The following NOLC1 variants were observed in gnomAD, a reference collection of about 807,000 sequenced individuals.
The protein encoded by NOLC1 is nucleolar and coiled-body phosphoprotein 1, also known as 140 kDa nucleolar phosphoprotein.
NOLC1 carries 37 observed loss-of-function variants against 73.4 expected under a neutral mutation model. The observed-to-expected ratio is 0.50, with a 90% confidence interval of 0.39 to 0.66. The LOEUF is 0.66. Among genes scored for constraint, NOLC1 ranks in the 30% least tolerant of loss-of-function variants. The probability of loss-of-function intolerance (pLI) is 0.00; values close to 1 mark genes in which losing one functional copy is unlikely to be tolerated. For missense variants in NOLC1, 921 were observed against 838.9 expected (o/e 1.10, Z -1.21); for synonymous variants, 327 against 302.6 (o/e 1.08, Z -0.84).
chr10:102,153,306 T>C (rs1161277006), intron 1 of NOLC1, among the ~76,000 whole-genome samples: 2 of 152,256 alleles, frequency 1.3e-5, no homozygotes, highest in Non-Finnish European at 2.9e-5. Context: ...AAGTGAAAGC[T>C]GTACCATAGT....
chr10:102,159,312 T>C lies in NOLC1; in HGVS notation c.723+4T>C. ...GGCAGCAGCCACCCCCAAGAAGGTC[T>C]GGACCATAACTTCTGTCAGGGCAGA... is the stretch of plus-strand genomic sequence containing the variant. On this transcript the variant is annotated splice_donor_region_variant and intron_variant, in intron 6 of 12. Transcript: ENST00000605788. The C allele has an allele frequency of 6.2e-7, 1 of 1,614,090 alleles. No homozygotes were observed. The highest frequency in any genetic ancestry group is 1.1e-5 in the South Asian group (1 of 91,086).
intron 4 of NOLC1, 46 bp downstream of exon 4, chr10:102,157,601 A>C: frequency 6.3e-7 from 1 of 1,590,230 alleles, no homozygotes; most frequent in Non-Finnish European, 8.6e-7. Flanking sequence ...TTAGAAAGGA[A>C]GAAACCTAAA....
chr10:102,161,129 C>A lies in NOLC1; in HGVS notation c.1741+36C>A, dbSNP rs201249259. On this transcript the variant is annotated intron_variant, in intron 10 of 12. Transcript: ENST00000605788. ...AATGAACATGCCCTCTGGGTTTTGT[C>A]CCCCCAAATCAGGATGGGATATACT... The A allele has an allele frequency of 7.3e-5, 113 of 1,553,508 alleles. 1 individual carries two copies. In the East Asian group the frequency reaches 1.3e-3, roughly 19 times the overall value.
At chr10:102,156,418 A>C (rs545250040) in intron 1 of NOLC1, among the ~76,000 whole-genome samples, 1 of 150,282 alleles carries the variant, frequency 6.7e-6, no homozygotes, top group Admixed American at 6.6e-5. Context: ...CACTGTGCCC[A>C]GTCAAAAGTG....
intron 1 of NOLC1, among the ~76,000 whole-genome samples, chr10:102,156,708 C>T (rs1267985806): frequency 6.6e-6 from 1 of 152,126 alleles, no homozygotes; most frequent in Non-Finnish European, 1.5e-5. Flanking sequence ...GCTGGGATTA[C>T]AAGCATGAGC....
rs760564890 is a variant in NOLC1, at chr10:102,157,474, A to G, written c.360A>G (p.Ala120=). The G allele has an allele frequency of 6.2e-7, 1 of 1,614,120 alleles. No homozygotes were observed. The highest frequency in any genetic ancestry group is 1.3e-5 in the African/African-American group (1 of 74,946). Residue 120 remains alanine, a synonymous_variant, in exon 4 of 13, where the codon GCA becomes GCG. Coordinates refer to ENST00000605788, the MANE Select transcript of NOLC1 (RefSeq NM_004741.5). ...KRVGLPPGKA[A]AKASESSSSE... is the part of the protein sequence containing the mutation. ...TCGGTCTGCCTCCTGGGAAGGCTGC[A>G]GCCAAAGCATCAGAGAGTAGCAGCA... is the stretch of plus-strand genomic sequence containing the variant.
chr10:102,153,385 C>T (rs1036787900), intron 1 of NOLC1, among the ~76,000 whole-genome samples: 10 of 152,178 alleles, frequency 6.6e-5, no homozygotes, highest in African/African-American at 2.4e-4. Context: ...GGTTTGTAAT[C>T]TACATCAACG....
Position 102,162,115 on chromosome 10 carries a change from G to A in NOLC1, c.1946G>A (p.Gly649Asp). Residue 649 changes from glycine to aspartate, a missense_variant, in exon 13 of 13, where the codon GGT becomes GAT. Coordinates refer to ENST00000605788, the MANE Select transcript of NOLC1 (RefSeq NM_004741.5). ...VADNSFDAKR[G>D]AAGDWGERAN... The stretch of plus-strand genomic sequence containing the variant: ...ATCTCCCTCTCTACTTACCAGCGAG[G>A]TGCAGCCGGAGACTGGGGAGAGCGA... The A allele has an allele frequency of 6.2e-7, 1 of 1,613,772 alleles. No homozygotes were observed. Among genetic ancestry groups the A allele is most frequent in the Non-Finnish European group, 8.5e-7 (1 of 1,179,992 alleles).
At chr10:102,154,686 G>A (rs2069560978) in intron 1 of NOLC1, among the ~76,000 whole-genome samples, 1 of 151,928 alleles carries the variant, frequency 6.6e-6, no homozygotes, top group Non-Finnish European at 1.5e-5. Flanking sequence ...CCGCCTCCAC[G>A]CCCAGCTTAT....
intron 1 of NOLC1, 32 bp downstream of exon 1, chr10:102,152,562 TGA>T (rs2133748504): frequency 6.2e-7 from 1 of 1,612,344 alleles, no homozygotes; most frequent in South Asian, 1.1e-5. Flanking sequence ...GGGACCGGGC[TGA>T]GATGACCACA....
At position 102,160,942 on chromosome 10, in the gene NOLC1, A is replaced by C; in HGVS notation, c.1590A>C (p.Glu530Asp). The change falls in exon 10 of 13, where the codon GAA becomes GAC. Residue 530 changes from glutamate (E) to aspartate (D), a missense_variant. Transcript: ENST00000605788. ...CTGATGACTCCAGTGAGGAAGAGGAAGAGAAGCTCAAGGGCAAGGGCTCTC... is the reference window on the plus strand; with the variant it reads ...CTGATGACTCCAGTGAGGAAGAGGACGAGAAGCTCAAGGGCAAGGGCTCTC... Reference protein sequence around the residue: ...SSSDDSSEEEEEKLKGKGSPR... With the variant: ...SSSDDSSEEEDEKLKGKGSPR... 1.2e-6 allele frequency: 2 copies of C among 1,614,224 alleles called. No homozygotes were observed. Among genetic ancestry groups the C allele is most frequent in the Non-Finnish European group, 8.5e-7 (1 of 1,180,048 alleles).
chr10:102,159,697 G>T, intron 7 of NOLC1, 129 bp downstream of exon 7: 1 of 1,142,278 alleles, frequency 8.8e-7, no homozygotes, highest in Non-Finnish European at 1.2e-6. Flanking sequence ...GAGCACTAGT[G>T]ATCCAGGAAA....
In NOLC1 at chr10:102,159,529, G is replaced by A. The variant is rs757131629; in HGVS notation, c.820G>A (p.Glu274Lys). Residue 274 changes from glutamate (E) to lysine (K), a missense_variant, in exon 7 of 13, where the codon GAG (glutamate) becomes AAG (lysine). Transcript: ENST00000605788. ...SSSSEDSSSDEEEEQKKPMKN... is the reference protein window; with the variant it reads ...SSSSEDSSSDKEEEQKKPMKN... ...TAGCAGTGAGGATTCCTCCAGTGAC[G>A]AGGAAGAGGAGCAAAAAAAACCCAT... The A allele has an allele frequency of 5.0e-6, 8 of 1,614,152 alleles. No individual in the cohort carries two copies. Among genetic ancestry groups the A allele is most frequent in the Non-Finnish European group, 6.8e-6 (8 of 1,180,020 alleles).
In NOLC1 at chr10:102,157,258, C is replaced by T. The variant is rs113265029; in HGVS notation, c.246C>T (p.Ala82=). ...GPVAKKAKKK[A]SSSDSEDSSE... ...TGGCTAAGAAAGCTAAGAAGAAGGC[C>T]TCATCCAGTGACAGTGAGGACAGCA... Residue 82 remains alanine (A), a synonymous_variant, in exon 3 of 13, where the codon GCC becomes GCT. Coordinates refer to ENST00000605788, the MANE Select transcript of NOLC1 (RefSeq NM_004741.5). 1 of 1,614,124 alleles carries T rather than the reference C, an allele frequency of 6.2e-7. No homozygotes were observed. The highest frequency in any genetic ancestry group is 1.7e-5 in the Admixed American group (1 of 60,014).
intron 1 of NOLC1, among the ~76,000 whole-genome samples, chr10:102,153,387 A>G (rs761554981): frequency 6.6e-6 from 1 of 152,244 alleles, no homozygotes; most frequent in Admixed American, 6.5e-5. Context: ...TTTGTAATCT[A>G]CATCAACGGA....
chr10:102,162,187 A>T lies in NOLC1; in HGVS notation c.2018A>T (p.Glu673Val). The T allele has an allele frequency of 6.2e-7, 1 of 1,614,160 alleles. No individual in the cohort carries two copies. Among genetic ancestry groups the T allele is most frequent in the Non-Finnish European group, 8.5e-7 (1 of 1,180,032 alleles). The part of the protein sequence containing the change: ...KFTKGKSFRH[E>V]KTKKKRGSYR... ...ACCAAAGGCAAGTCCTTTCGGCATG[A>T]GAAAACCAAGAAGAAGCGGGGCAGC... Residue 673 changes from glutamate (E) to valine (V), a missense_variant, in exon 13 of 13, where the codon GAG becomes GTG. Transcript: ENST00000605788.
chr10:102,160,527 C>G lies in NOLC1; in HGVS notation c.1175C>G (p.Ala392Gly). The change falls in exon 10 of 13, where the codon GCT (alanine) becomes GGT (glycine). Residue 392 changes from alanine (A) to glycine (G), a missense_variant. Coordinates refer to ENST00000605788, the MANE Select transcript of NOLC1 (RefSeq NM_004741.5). The part of the protein sequence containing the change: ...GTTKNSSNKP[A>G]VTTKSPAVKP... ...ACCAAGAATTCTTCAAATAAGCCAGCTGTCACCACCAAGTCACCTGCAGTG... is the reference window on the plus strand; with the variant it reads ...ACCAAGAATTCTTCAAATAAGCCAGGTGTCACCACCAAGTCACCTGCAGTG... 6.2e-7 allele frequency: 1 copy of G among 1,614,200 alleles called. No homozygotes were observed.
intron 1 of NOLC1, among the ~76,000 whole-genome samples, chr10:102,155,966 T>C (rs2069587735): frequency 6.6e-6 from 1 of 151,124 alleles, no homozygotes; most frequent in African/African-American, 2.4e-5. Context: ...AAACGATTCT[T>C]CTGCCTCAGC....
intron 8 of NOLC1, 30 bp downstream of exon 8, chr10:102,160,054 G>C: frequency 6.2e-7 from 1 of 1,607,374 alleles, no homozygotes; most frequent in Non-Finnish European, 8.5e-7. Context: ...CCTCCCCTCA[G>C]CGTGGGTCTG....
Sources: gnomAD v4.1 joint callset for allele counts (sites outside exome capture counted in the v4.1 genomes callset) on GRCh38, gnomAD v4.1.1 for gene constraint, MANE v1.5 for transcripts, NCBI Gene and HGNC (gene_info 2026-07-23, HGNC 2026-07-21) for gene names.